The following SORCS3 variants were observed in gnomAD, a reference collection of about 807,000 sequenced individuals.
The protein encoded by SORCS3 is VPS10 domain-containing receptor SorCS3.
In SORCS3, 57 loss-of-function variants were observed where a neutral mutation model predicts 146.3. That is an observed-to-expected ratio of 0.39 (90% CI 0.31 to 0.49). The LOEUF is 0.49. Among genes scored for constraint, SORCS3 ranks in the 20% least tolerant of loss-of-function variants. The pLI, the probability that SORCS3 is intolerant of heterozygous loss-of-function variation, is 0.92. For missense variants in SORCS3, 1,341 were observed against 1,575.5 expected, an observed-to-expected ratio of 0.85 and a Z score of 2.52; for synonymous variants, 653 against 618.5, an observed-to-expected ratio of 1.06 and a Z score of -0.83.
chr10:104,795,363 G>A (rs1340555413), intron 1 of SORCS3, among the ~76,000 whole-genome samples: 1 of 152,196 alleles, frequency 6.6e-6, no homozygotes, highest in East Asian at 1.9e-4. Flanking sequence ...ATGGTGAATA[G>A]TTTTTTGTAA....
At chr10:105,203,840 G>C (rs2056587378) in intron 16 of SORCS3, among the ~76,000 whole-genome samples, 1 of 152,094 alleles carries the variant, frequency 6.6e-6, no homozygotes, top group African/African-American at 2.4e-5. Flanking sequence ...TACAACATAG[G>C]CTAGCTATTG....
intron 3 of SORCS3, among the ~76,000 whole-genome samples, chr10:104,930,017 A>T (rs2019190783): frequency 6.6e-6 from 1 of 152,030 alleles, no homozygotes; most frequent in Non-Finnish European, 1.5e-5. Flanking sequence ...AGAATTAAAA[A>T]TAGCTGCTTT....
chr10:105,092,230 C>T (rs1008582212), intron 6 of SORCS3, among the ~76,000 whole-genome samples: 1 of 152,192 alleles, frequency 6.6e-6, no homozygotes, highest in Non-Finnish European at 1.5e-5. Flanking sequence ...ACACTTAGAA[C>T]AGTTTCTGGC....
At chr10:104,968,514 A>G (rs954699998) in intron 3 of SORCS3, among the ~76,000 whole-genome samples, 1 of 152,182 alleles carries the variant, frequency 6.6e-6, no homozygotes, top group Non-Finnish European at 1.5e-5. Flanking sequence ...CTGCGAAACC[A>G]TATTTGAAAA....
At chr10:104,786,552 T>TAAG (rs1364385648) in intron 1 of SORCS3, among the ~76,000 whole-genome samples, 1 of 139,904 alleles carries the variant, frequency 7.1e-6, no homozygotes, top group African/African-American at 2.6e-5. Flanking sequence ...CCATCTAAAA[T>TAAG]AATAATAATA....
At chr10:105,129,380 T>C (rs1184037989) in intron 7 of SORCS3, among the ~76,000 whole-genome samples, 2 of 134,600 alleles carry the variant, frequency 1.5e-5, no homozygotes, top group East Asian at 4.9e-4. Flanking sequence ...CAATCCACAG[T>C]CCACAAGGAA....
At position 105,125,679 on chromosome 10, in the gene SORCS3, C is replaced by CACACACACACACACACACACACACACACA. The variant is rs370356129; in HGVS notation, c.1213-13718_1213-13717insACACACACACACACACACACACACACACA. 4.8e-5 allele frequency among the ~76,000 whole-genome samples: 7 copies of CACACACACACACACACACACACACACACA among 144,486 alleles called. No individual in the cohort carries two copies. The East Asian group carries it at 1.3e-3, about 26-fold the overall frequency. The allele number at this position is 144,486 out of a possible 152,430, so 94.8% of individuals were successfully genotyped here. A position where few individuals can be genotyped will look rare whatever the true frequency, so the allele number is the denominator to read the frequency against. On this transcript the variant is annotated intron_variant, in intron 7 of 26. Coordinates refer to ENST00000369701, the MANE Select transcript of SORCS3 (RefSeq NM_014978.3). ...ACATGCATGTTGCATCACTGAATATCCACACACACACACACACACACACAC... is the reference window on the plus strand; with the variant it reads ...ACATGCATGTTGCATCACTGAATATCACACACACACACACACACACACACACACACACACACACACACACACACACACAC...
chr10:104,805,638 T>G (rs2017671965), intron 1 of SORCS3, among the ~76,000 whole-genome samples: 1 of 152,104 alleles, frequency 6.6e-6, no homozygotes, highest in African/African-American at 2.4e-5. Flanking sequence ...ATACCAGTTG[T>G]AACTACTCTT....
At chr10:104,895,564 C>G (rs2018789956) in intron 2 of SORCS3, among the ~76,000 whole-genome samples, 1 of 152,226 alleles carries the variant, frequency 6.6e-6, no homozygotes, top group Admixed American at 6.5e-5. Flanking sequence ...TCAGCTCACA[C>G]TCTCCTTTCC....
chr10:105,255,306 A>G (rs868710859), intron 23 of SORCS3, among the ~76,000 whole-genome samples: 7 of 152,022 alleles, frequency 4.6e-5, no homozygotes, highest in South Asian at 4.2e-4. Flanking sequence ...GGAACATCAC[A>G]CACCTGGGCC....
intron 4 of SORCS3, among the ~76,000 whole-genome samples, chr10:105,001,477 T>G (rs1191236013): frequency 1.4e-4 from 21 of 152,244 alleles, no homozygotes; most frequent in Non-Finnish European, 1.2e-4. Context: ...TCCTGTATGC[T>G]TCCTTCAGCA....
intron 3 of SORCS3, among the ~76,000 whole-genome samples, chr10:104,965,784 T>G (rs918319704): frequency 2.6e-5 from 4 of 152,132 alleles, no homozygotes; most frequent in African/African-American, 9.7e-5. Context: ...TTTCTTGTTA[T>G]TTTTGTACTT....
chr10:105,032,011 G>A (rs575774683), intron 4 of SORCS3, among the ~76,000 whole-genome samples: 241 of 152,196 alleles, frequency 1.6e-3, no homozygotes, highest in Admixed American at 3.2e-3. Context: ...TGACCAACAT[G>A]GAGAAACCCC....
At position 104,996,520 on chromosome 10, in the gene SORCS3, G is replaced by A. The variant is rs147551649; in HGVS notation, c.954+19027G>A. The stretch of plus-strand genomic sequence containing the variant: ...TTGTTGCCAGTACATAGAACAAATG[G>A]AAAAATCAGTAAGAACATAAAAGAA... On this transcript the variant is annotated intron_variant, in intron 4 of 26. Transcript: ENST00000369701. 1.2e-4 allele frequency among the ~76,000 whole-genome samples: 19 copies of A among 152,122 alleles called. No individual in the cohort carries two copies. The East Asian group carries it at 3.7e-3, about 29-fold the overall frequency.
At chr10:105,199,848 C>A in intron 14 of SORCS3, 151 bp from the exon 15 acceptor site, 1 of 613,270 alleles carries the variant, frequency 1.6e-6, no homozygotes, top group Non-Finnish European at 3.0e-6. Flanking sequence ...AGTGGACTTT[C>A]TCCTTAATGG....
At chr10:105,070,084 A>C (rs73344338) in intron 5 of SORCS3, among the ~76,000 whole-genome samples, 8,970 of 152,268 alleles carry the variant, frequency 0.059, 284 homozygotes, top group Middle Eastern at 0.089. Context: ...ACTCCTTCTA[A>C]ATAATGGAGG....
chr10:104,867,110 C>T (rs2018467891), intron 2 of SORCS3, among the ~76,000 whole-genome samples: 2 of 152,014 alleles, frequency 1.3e-5, no homozygotes, highest in Non-Finnish European at 2.9e-5. Flanking sequence ...ATGGGGACAA[C>T]AGACAGTAGA....
At chr10:104,954,155 A>G (rs1197892855) in intron 3 of SORCS3, among the ~76,000 whole-genome samples, 2 of 152,340 alleles carry the variant, frequency 1.3e-5, no homozygotes, top group East Asian at 1.9e-4. Context: ...TAAAATTTTT[A>G]AGAAAATTTA....
chr10:104,978,433 T>C (rs1195846661), intron 4 of SORCS3, among the ~76,000 whole-genome samples: 9 of 152,230 alleles, frequency 5.9e-5, no homozygotes, highest in African/African-American at 1.9e-4. Flanking sequence ...CTGTCTCTTG[T>C]ATGCCTCAAA....
Sources: gnomAD v4.1 joint callset for allele counts (sites outside exome capture counted in the v4.1 genomes callset) on GRCh38, gnomAD v4.1.1 for gene constraint, MANE v1.5 for transcripts, NCBI Gene and HGNC (gene_info 2026-07-23, HGNC 2026-07-21) for gene names.